The following SRPK2 variants were observed in gnomAD, a reference collection of about 807,000 sequenced individuals.
SRPK2 encodes the protein SRSF protein kinase 2.
Under a neutral mutation model 90.8 loss-of-function variants are expected in SRPK2, and 21 were observed. That is an observed-to-expected ratio of 0.23 (90% CI 0.16 to 0.33). SRPK2 has a LOEUF of 0.33. SRPK2 is among the 10% of genes least tolerant of loss of function. The pLI is 1.00. For missense variants in SRPK2, 620 were observed against 869.0 expected, an observed-to-expected ratio of 0.71 and a Z score of 3.60; for synonymous variants, 288 against 311.1, an observed-to-expected ratio of 0.93 and a Z score of 0.78.
At chr7:105,159,473 A>AAAAAAAAAAAAAAAAT in intron 7 of SRPK2, among the ~76,000 whole-genome samples, 1 of 139,420 alleles carries the variant, frequency 7.2e-6, no homozygotes, top group Non-Finnish European at 1.6e-5. Flanking sequence ...AAAAAAAAAA[A>AAAAAAAAAAAAAAAAT]CCGTACAAAA....
intron 2 of SRPK2, among the ~76,000 whole-genome samples, chr7:105,300,254 C>CAAAA (rs35542004): frequency 1.3e-5 from 1 of 76,302 alleles, no homozygotes; most frequent in African/African-American, 5.0e-5. Flanking sequence ...GACTCCATCT[C>CAAAA]AAAAAAAAAA....
At chr7:105,323,967 TTGTGTGTGTGTGTGTGTGTGTG>T (rs58288208) in intron 2 of SRPK2, among the ~76,000 whole-genome samples, 27 of 133,896 alleles carry the variant, frequency 2.0e-4, no homozygotes, top group Non-Finnish European at 2.8e-4. Flanking sequence ...AGACTATTCT[TTGTGTGTGTGTGTGTGTGTGTG>T]TGTGTGTGTG....
chr7:105,169,918 A>T (rs1790587131), intron 3 of SRPK2, among the ~76,000 whole-genome samples: 1 of 152,092 alleles, frequency 6.6e-6, no homozygotes, highest in South Asian at 2.1e-4. Context: ...CAGGCTGAAG[A>T]GGTCCTCCCA....
chr7:105,290,882 C>CA (rs1265636106), intron 2 of SRPK2, among the ~76,000 whole-genome samples: 46 of 145,070 alleles, frequency 3.2e-4, no homozygotes, highest in African/African-American at 1.1e-3. Context: ...ACTAAAAATA[C>CA]AAAAAATTGG....
chr7:105,274,940 C>G (rs541085960), intron 2 of SRPK2, among the ~76,000 whole-genome samples: 26 of 151,418 alleles, frequency 1.7e-4, no homozygotes, highest in African/African-American at 6.1e-4. Flanking sequence ...GTCGCCCAAG[C>G]TGGATGGCGC....
intron 2 of SRPK2, among the ~76,000 whole-genome samples, chr7:105,224,994 G>C (rs1267048274): frequency 6.6e-6 from 1 of 152,072 alleles, no homozygotes; most frequent in African/African-American, 2.4e-5. Context: ...CATTAATCAG[G>C]TTAATAATAG....
At chr7:105,290,101 G>A (rs1440111356) in intron 2 of SRPK2, among the ~76,000 whole-genome samples, 1 of 150,374 alleles carries the variant, frequency 6.7e-6, no homozygotes, top group Admixed American at 6.7e-5. Context: ...TATCAGCAAC[G>A]ATCACTCATC....
chr7:105,170,921 A>AAAG (rs1215779278), intron 3 of SRPK2, among the ~76,000 whole-genome samples: 10 of 125,474 alleles, frequency 8.0e-5, no homozygotes, highest in Middle Eastern at 3.8e-3. Context: ...GAAAGGAGAA[A>AAAG]GAAAAAGAAA....
intron 2 of SRPK2, among the ~76,000 whole-genome samples, chr7:105,314,779 C>CATA (rs1449140807): frequency 6.6e-6 from 1 of 152,136 alleles, no homozygotes; most frequent in African/African-American, 2.4e-5. Context: ...TAGCACATTA[C>CATA]ATATAACAAA....
intron 3 of SRPK2, among the ~76,000 whole-genome samples, chr7:105,171,225 C>A (rs1791105462): frequency 6.6e-6 from 1 of 152,160 alleles, no homozygotes; most frequent in South Asian, 2.1e-4. Flanking sequence ...GCAGAATAAG[C>A]AAGCTACAAA....
rs193148987 is a variant in SRPK2 at position 105,268,735 on chromosome 7, A to T, written c.72-64950T>A. The T allele has an allele frequency of 4.7e-5, 72 of 1,519,848 alleles. No individual in the cohort carries two copies. The African/African-American group carries it at 8.8e-4, about 19-fold the overall frequency. The allele number at this position is 1,519,848 out of a possible 1,614,324, so 94.1% of individuals were successfully genotyped here. A position where few individuals can be genotyped will look rare whatever the true frequency, so the allele number is the denominator to read the frequency against. On this transcript the variant is annotated intron_variant, in intron 2 of 15. Coordinates refer to ENST00000393651, the MANE Select transcript of SRPK2 (RefSeq NM_182692.3). ...TTATATAGCAAACTTGACAAGAAAA[A>T]AAAATATGTCCTGGTTTGTTTCTTA...
At chr7:105,233,091 A>AGGAAG (rs1554470938) in intron 2 of SRPK2, among the ~76,000 whole-genome samples, 1 of 91,846 alleles carries the variant, frequency 1.1e-5, no homozygotes. Flanking sequence ...AAGGAAGGAA[A>AGGAAG]GAAGGAAGGA....
intron 2 of SRPK2, among the ~76,000 whole-genome samples, chr7:105,331,928 G>A (rs1814467287): frequency 6.6e-6 from 1 of 152,046 alleles, no homozygotes; most frequent in Admixed American, 6.6e-5. Context: ...GGAAGCCAAG[G>A]CAGGTGAATC....
At position 105,117,791 on chromosome 7, in the gene SRPK2, G is replaced by T; in HGVS notation, c.*47C>A. ...ATGAGAGTCACCGTTTAGGTCCAAT[G>T]TACTGGGAACATTTGCTAGCTCAGA... is the stretch of plus-strand genomic sequence containing the variant. On this transcript the variant is annotated 3_prime_UTR_variant, in exon 16 of 16. Transcript: ENST00000393651. The T allele has an allele frequency of 6.3e-7, 1 of 1,593,344 alleles. No homozygotes were observed. The highest frequency in any genetic ancestry group is 8.6e-7 in the Non-Finnish European group (1 of 1,164,060).
At position 105,145,276 on chromosome 7, in the gene SRPK2, T is replaced by C; in HGVS notation, c.813+7A>G. ...GTGCATATAAAGTAATATGCGTAAGTACTTACAGGTTTCTGCTGTGGAGCC... is the reference window on the plus strand; with the variant it reads ...GTGCATATAAAGTAATATGCGTAAGCACTTACAGGTTTCTGCTGTGGAGCC... On this transcript the variant is annotated splice_region_variant and intron_variant, in intron 9 of 15. Coordinates refer to ENST00000393651, the MANE Select transcript of SRPK2 (RefSeq NM_182692.3). 1 of 1,591,496 alleles carries C rather than the reference T, an allele frequency of 6.3e-7. No individual in the cohort carries two copies. Among genetic ancestry groups the C allele is most frequent in the Non-Finnish European group, 8.6e-7 (1 of 1,168,986 alleles).
intron 3 of SRPK2, among the ~76,000 whole-genome samples, chr7:105,171,651 T>A (rs1791167455): frequency 6.6e-6 from 1 of 152,186 alleles, no homozygotes; most frequent in African/African-American, 2.4e-5. Flanking sequence ...GTTGGATTAG[T>A]GAAGCAGGAA....
upstream of SRPK2, among the ~76,000 whole-genome samples, chr7:105,389,735 A>G (rs544187873): frequency 1.2e-4 from 18 of 152,338 alleles, no homozygotes; most frequent in African/African-American, 3.8e-4. Context: ...AAACCACCTT[A>G]TCAGGCTGCC....
intron 2 of SRPK2, among the ~76,000 whole-genome samples, chr7:105,283,656 A>C (rs944157462): frequency 1.3e-5 from 2 of 152,154 alleles, no homozygotes; most frequent in Non-Finnish European, 2.9e-5. Context: ...GTTCTCTTTG[A>C]GGTGATGAAA....
chr7:105,164,887 T>G (rs914725787), intron 6 of SRPK2, among the ~76,000 whole-genome samples: 2 of 152,108 alleles, frequency 1.3e-5, no homozygotes, highest in Non-Finnish European at 2.9e-5. Flanking sequence ...GCAAAAAATC[T>G]GAAAGAAGCC....
Sources: gnomAD v4.1 joint callset for allele counts (sites outside exome capture counted in the v4.1 genomes callset) on GRCh38, gnomAD v4.1.1 for gene constraint, MANE v1.5 for transcripts, NCBI Gene and HGNC (gene_info 2026-07-23, HGNC 2026-07-21) for gene names.